Variants in PLEKHG1 observed in about 807,000 individuals in gnomAD.
The protein encoded by PLEKHG1 is pleckstrin homology domain-containing family G member 1.
A neutral mutation model predicts 100.8 loss-of-function variants in PLEKHG1; 44 were observed. The ratio of observed to expected loss-of-function variants is 0.44; its 90% CI spans 0.34 to 0.56. The LOEUF is 0.56. Ranked by LOEUF, PLEKHG1 falls within the 20% of genes least tolerant of loss-of-function variation. The probability of loss-of-function intolerance (pLI) is 0.01; values close to 1 mark genes in which losing one functional copy is unlikely to be tolerated. For synonymous variants in PLEKHG1, 640 were observed against 662.5 expected (o/e 0.97, Z 0.52); for missense variants, 1,545 against 1,720.9 (o/e 0.90, Z 1.81).
rs375624173 is a variant in PLEKHG1 at position 150,831,319 on chromosome 6, G to T, written c.2208G>T (p.Ala736=). The T allele has an allele frequency of 6.2e-7, 1 of 1,614,118 alleles. No homozygotes were observed. The highest frequency in any genetic ancestry group is 1.1e-5 in the South Asian group (1 of 91,084). ...GCCAAAGCACGCATGAACTCCAAGC[G>T]GTTGAGGAGAACATCTATGACACCA... Residue 736 remains alanine (A), a synonymous_variant, in exon 15 of 16, where the codon GCG becomes GCT. Transcript: ENST00000358517. This position sits in a 1 kb window ranked among gnomAD's most constrained non-coding sequence, Gnocchi z 4.1.
At chr6:150,795,934 T>C (rs1339621749) in intron 5 of PLEKHG1, 32 bp downstream of exon 6, 2 of 1,418,356 alleles carry the variant, frequency 1.4e-6, no homozygotes, top group Non-Finnish European at 2.0e-6. Context: ...AGAGTACTTT[T>C]GTTCACTTTC....
intron 1 of PLEKHG1, chr6:150,625,646 C>T (rs1322536609): frequency 2.6e-5 from 4 of 152,088 alleles, no homozygotes; most frequent in African/African-American, 9.7e-5. Context: ...GCATGCACCA[C>T]CATGCCTGGC....
intron 2 of PLEKHG1, among the ~76,000 whole-genome samples, chr6:150,739,032 G>C (rs879926451): frequency 6.6e-6 from 1 of 152,144 alleles, no homozygotes; most frequent in Non-Finnish European, 1.5e-5. Flanking sequence ...GGTAGGGTGG[G>C]TGTCTTTAAT....
At chr6:150,722,349 C>CTTTTTTTTTTTTTTT (rs139069069) in intron 1 of PLEKHG1, among the ~76,000 whole-genome samples, 6 of 90,670 alleles carry the variant, frequency 6.6e-5, no homozygotes, top group Non-Finnish European at 1.1e-4. Flanking sequence ...TTTTTCTTTT[C>CTTTTTTTTTTTTTTT]TTTTTTTTTT....
chr6:150,733,737 C>T, exon 2 of PLEKHG1: 1 of 1,614,192 alleles, frequency 6.2e-7, no homozygotes, highest in Non-Finnish European at 8.5e-7. Context: ...TCATCCTCGG[C>T]CTCTTCCCGC....
At chr6:150,601,069 A>G (rs902925964) in intron 1 of PLEKHG1, among the ~76,000 whole-genome samples, 15 of 152,150 alleles carry the variant, frequency 9.9e-5, no homozygotes, top group Admixed American at 7.9e-4. Flanking sequence ...ATACAGAACT[A>G]TATTGTGTTT....
intron 3 of PLEKHG1, among the ~76,000 whole-genome samples, chr6:150,700,104 C>G (rs112657674): frequency 6.6e-6 from 1 of 152,090 alleles, no homozygotes; most frequent in African/African-American, 2.4e-5. Context: ...TACAGTGAAT[C>G]GGGGTGAACC....
intron 1 of PLEKHG1, among the ~76,000 whole-genome samples, chr6:150,602,445 G>A (rs1188581344): frequency 1.3e-5 from 2 of 152,166 alleles, no homozygotes; most frequent in Non-Finnish European, 2.9e-5. Flanking sequence ...TCACATCTAC[G>A]TCTCTGTAGC....
intron 2 of PLEKHG1, among the ~76,000 whole-genome samples, chr6:150,754,969 C>T (rs1277443385): frequency 2.0e-5 from 3 of 151,968 alleles, no homozygotes; most frequent in African/African-American, 7.2e-5. Context: ...TGTGCCTGGC[C>T]GGCATCAGGA....
chr6:150,729,883 CT>C (rs1206106668), intron 1 of PLEKHG1, among the ~76,000 whole-genome samples: 1 of 152,064 alleles, frequency 6.6e-6, no homozygotes, highest in Non-Finnish European at 1.5e-5. Flanking sequence ...CCCTATTGAT[CT>C]GAGTTTTATA....
At chr6:150,653,284 C>T (rs1778822130) in intron 3 of PLEKHG1, among the ~76,000 whole-genome samples, 1 of 152,026 alleles carries the variant, frequency 6.6e-6, no homozygotes, top group African/African-American at 2.4e-5. Context: ...TGTCTTTATA[C>T]CAATGCAGTT....
rs190920320 is a variant in PLEKHG1, at chr6:150,796,835, T to C, written c.629+933T>C. 4.6e-5 allele frequency among the ~76,000 whole-genome samples: 7 copies of C among 152,306 alleles called. No individual in the cohort carries two copies. The East Asian group carries it at 1.4e-3, about 29-fold the overall frequency. ...GCTGATGAATGGCCCAGCTTGGATTTGAACCAAGGTTTCTTCTCTGACTTT... is the reference window on the plus strand; with the variant it reads ...GCTGATGAATGGCCCAGCTTGGATTCGAACCAAGGTTTCTTCTCTGACTTT... On this transcript the variant is annotated intron_variant, in intron 5 of 15. Transcript: ENST00000358517.
chr6:150,604,512 G>A (rs566022621), intron 1 of PLEKHG1, among the ~76,000 whole-genome samples: 135 of 152,348 alleles, frequency 8.9e-4, no homozygotes, highest in African/African-American at 3.1e-3. Context: ...GCTGGATGTA[G>A]CCTGCAGCTA....
intron 2 of PLEKHG1, among the ~76,000 whole-genome samples, chr6:150,753,519 A>G (rs1783650196): frequency 6.6e-6 from 1 of 152,126 alleles, no homozygotes; most frequent in South Asian, 2.1e-4. Context: ...GCAGCTGCCG[A>G]CCATAAATAC....
intron 3 of PLEKHG1, chr6:150,652,079 A>T (rs544173765): frequency 3.3e-5 from 5 of 152,222 alleles, no homozygotes; most frequent in African/African-American, 1.2e-4. Context: ...AATCCTTTTC[A>T]TTGGCTAGAA....
rs187420255 is a variant in PLEKHG1 at position 150,615,458 on chromosome 6, C to T, written c.-204+15441C>T. 5.8e-4 allele frequency among the ~76,000 whole-genome samples: 89 copies of T among 152,256 alleles called. 1 individual carries two copies. The highest frequency in any genetic ancestry group is 1.0e-3 in the Non-Finnish European group (71 of 68,034). On this transcript the variant is annotated intron_variant, in intron 1 of 3. Transcript: ENST00000367326. ...AAGCCAGAGTTCTCTGTTAACTCTC[C>T]CTTGGCCTTCTTTACTCCTCCAAAA...
At chr6:150,792,218 G>A (rs570017927) in intron 4 of PLEKHG1, among the ~76,000 whole-genome samples, 3 of 151,964 alleles carry the variant, frequency 2.0e-5, no homozygotes, top group Non-Finnish European at 2.9e-5. Flanking sequence ...TTAGCCGGGC[G>A]TGGTGATGCA....
intron 1 of PLEKHG1, among the ~76,000 whole-genome samples, chr6:150,601,803 T>A (rs1776370110): frequency 6.6e-6 from 1 of 152,178 alleles, no homozygotes; most frequent in Non-Finnish European, 1.5e-5. Flanking sequence ...GGCAATCAGA[T>A]GCCAGATAAC....
chr6:150,619,956 G>A (rs1439497769), intron 1 of PLEKHG1, among the ~76,000 whole-genome samples: 2 of 152,226 alleles, frequency 1.3e-5, no homozygotes, highest in African/African-American at 4.8e-5. Context: ...TTTCCTAAAA[G>A]GTGTGTTTTG....
Sources: gnomAD v4.1 joint callset for allele counts (sites outside exome capture counted in the v4.1 genomes callset) on GRCh38, gnomAD v4.1.1 for gene constraint, Gnocchi (gnomAD v3.1) non-coding constraint, MANE v1.5 for transcripts, NCBI Gene and HGNC (gene_info 2026-07-23, HGNC 2026-07-21) for gene names.